The following PXDNL variants were observed in gnomAD, a reference collection of about 807,000 sequenced individuals.
PXDNL encodes the protein peroxidasin like.
A neutral mutation model predicts 150.8 loss-of-function variants in PXDNL; 145 were observed. The observed-to-expected ratio is 0.96, with a 90% confidence interval of 0.84 to 1.10. The LOEUF (loss-of-function observed/expected upper bound fraction) is 1.10, where lower values mean the gene tolerates loss of function less well. Among genes scored for constraint, PXDNL ranks in the 50% least tolerant of loss-of-function variants. The pLI is 0.00. For synonymous variants in PXDNL, 757 were observed against 725.7 expected (o/e 1.04, Z -0.69); for missense variants, 2,087 against 1,873.9 (o/e 1.11, Z -2.10).
intron 2 of PXDNL, among the ~76,000 whole-genome samples, chr8:51,635,221 G>C (rs1169208460): frequency 1.3e-5 from 2 of 152,112 alleles, no homozygotes; most frequent in East Asian, 3.9e-4. Flanking sequence ...ACGGGATGCA[G>C]TGAAAGCAGT....
At chr8:51,407,545 G>A (rs75371455) in intron 17 of PXDNL, among the ~76,000 whole-genome samples, 4,100 of 152,138 alleles carry the variant, frequency 0.027, 221 homozygotes, top group African/African-American at 0.092. Flanking sequence ...TTCAAATCCC[G>A]TATGTAGAAA....
At chr8:51,608,852 A>AAAAAG (rs1554557716) in intron 2 of PXDNL, among the ~76,000 whole-genome samples, 2,115 of 149,258 alleles carry the variant, frequency 0.014, 49 homozygotes, top group African/African-American at 0.051. Context: ...AAAAAAAAAA[A>AAAAAG]AAAAAAAGAA....
At chr8:51,783,272 T>C (rs2037432206) in intron 1 of PXDNL, among the ~76,000 whole-genome samples, 1 of 152,230 alleles carries the variant, frequency 6.6e-6, no homozygotes, top group Non-Finnish European at 1.5e-5. Flanking sequence ...TGCTTTATTA[T>C]GTCCACCAGG....
Position 51,409,226 on chromosome 8 carries a change from TG to T in PXDNL, c.2397del (p.Tyr799Ter), listed in dbSNP as rs1808548340. Reference sequence around the variant, plus strand: ...CAGCCCCAGTGCATGAGCATGCGCGTGTAGCTGTGGTCGGGGGTGACGGCCG... The same window carrying T: ...CAGCCCCAGTGCATGAGCATGCGCGTTAGCTGTGGTCGGGGGTGACGGCCG... ...RAAAVTPDHSYTRMLMHWGWF... is the reference protein window; with the variant it reads ...RAAAVTPDHSXTRMLMHWGWF... On this transcript the variant is annotated frameshift_variant, in exon 17 of 23. Coordinates refer to ENST00000356297, the MANE Select transcript of PXDNL (RefSeq NM_144651.5). LOFTEE classifies it high-confidence loss of function. 6.4e-6 allele frequency: 10 copies of T among 1,555,148 alleles called. No individual in the cohort carries two copies. The South Asian group carries it at 9.3e-5, about 15-fold the overall frequency.
chr8:51,658,733 T>C (rs1186556624), intron 1 of PXDNL, among the ~76,000 whole-genome samples: 1 of 152,210 alleles, frequency 6.6e-6, no homozygotes, highest in African/African-American at 2.4e-5. Flanking sequence ...AGAAATACAA[T>C]TCATTTCCCA....
intron 1 of PXDNL, among the ~76,000 whole-genome samples, chr8:51,789,196 AT>A (rs10718358): frequency 0.066 from 8,710 of 131,696 alleles, 562 homozygotes; most frequent in African/African-American, 0.18. Flanking sequence ...CATTGTACCC[AT>A]TTTTTTTTTT....
chr8:51,808,967 A>C (rs943546622), intron 1 of PXDNL, among the ~76,000 whole-genome samples: 2 of 152,228 alleles, frequency 1.3e-5, no homozygotes, highest in African/African-American at 4.8e-5. Flanking sequence ...AGAGAACTGA[A>C]TCCAAAACAA....
intron 20 of PXDNL, among the ~76,000 whole-genome samples, chr8:51,344,574 G>T (rs1431258377): frequency 1.3e-5 from 2 of 152,092 alleles, no homozygotes; most frequent in Admixed American, 1.3e-4. Context: ...CCCTTGCTCT[G>T]CACTACTCAC....
At chr8:51,377,755 G>A (rs368160809) in intron 17 of PXDNL, among the ~76,000 whole-genome samples, 1 of 152,186 alleles carries the variant, frequency 6.6e-6, no homozygotes, top group Non-Finnish European at 1.5e-5. Flanking sequence ...GCCTCCCTGC[G>A]GGGCAGGGCT....
At chr8:51,454,463 T>C (rs1809882486) in intron 9 of PXDNL, among the ~76,000 whole-genome samples, 1 of 152,206 alleles carries the variant, frequency 6.6e-6, no homozygotes, top group Non-Finnish European at 1.5e-5. Context: ...TTTCAGTTAC[T>C]TTCAGCTAAA....
At chr8:51,579,273 C>A (rs1813154901) in intron 3 of PXDNL, among the ~76,000 whole-genome samples, 1 of 151,892 alleles carries the variant, frequency 6.6e-6, no homozygotes, top group African/African-American at 2.4e-5. Context: ...ACCCCACAAT[C>A]TCATTAGAAG....
In PXDNL at chr8:51,409,618, C is replaced by G. The variant is rs2130892339; in HGVS notation, c.2063-57G>C. On this transcript the variant is annotated intron_variant, in intron 16 of 22. Transcript: ENST00000356297. ...GGCGGGCCTGGGAGGGCGCGGGCAA[C>G]TTGGAACTCCAGATGCTGCGGGAAC... is the stretch of plus-strand genomic sequence containing the variant. The G allele has an allele frequency of 1.0e-5, 15 of 1,437,532 alleles. No homozygotes were observed. The South Asian group carries it at 2.0e-4, about 19-fold the overall frequency. 89.0% of individuals were successfully genotyped at this position (1,437,532 alleles called of 1,614,324 possible).
chr8:51,357,244 T>G (rs1806537596), intron 19 of PXDNL, among the ~76,000 whole-genome samples: 1 of 152,194 alleles, frequency 6.6e-6, no homozygotes, highest in Non-Finnish European at 1.5e-5. Flanking sequence ...AGTATACTGG[T>G]TTTCTCCTAT....
intron 3 of PXDNL, among the ~76,000 whole-genome samples, chr8:51,564,341 G>A (rs1812771207): frequency 1.3e-5 from 2 of 152,030 alleles, no homozygotes; most frequent in South Asian, 2.1e-4. Context: ...TAATGGAACT[G>A]ATTATAATAC....
chr8:51,454,266 G>A (rs1809878083), intron 9 of PXDNL, among the ~76,000 whole-genome samples: 1 of 152,152 alleles, frequency 6.6e-6, no homozygotes, highest in South Asian at 2.1e-4. Flanking sequence ...AAAATTATGA[G>A]GAATAAAGAA....
At chr8:51,630,111 T>C (rs1363815818) in intron 2 of PXDNL, among the ~76,000 whole-genome samples, 1 of 152,006 alleles carries the variant, frequency 6.6e-6, no homozygotes, top group African/African-American at 2.4e-5. Flanking sequence ...TGGAAAAGAA[T>C]AGAGTCCAAA....
At position 51,371,870 on chromosome 8, in the gene PXDNL, G is replaced by A; in HGVS notation, c.3901+3C>T. On this transcript the variant is annotated splice_donor_region_variant and intron_variant, in intron 19 of 22. Coordinates refer to ENST00000356297, the MANE Select transcript of PXDNL (RefSeq NM_144651.5). ...AGATCGTGCTCATTGCATTATTACTGACCTGCACAGCAGTCTTGCCACACT... is the reference window on the plus strand; with the variant it reads ...AGATCGTGCTCATTGCATTATTACTAACCTGCACAGCAGTCTTGCCACACT... 1 of 1,611,836 alleles carries A rather than the reference G, an allele frequency of 6.2e-7. No individual in the cohort carries two copies. The highest frequency in any genetic ancestry group is 2.2e-5 in the East Asian group (1 of 44,870).
Position 51,319,879 on chromosome 8 carries a change from A to G in PXDNL, c.*12T>C, listed in dbSNP as rs375457259. On this transcript the variant is annotated 3_prime_UTR_variant, in exon 23 of 23. Coordinates refer to ENST00000356297, the MANE Select transcript of PXDNL (RefSeq NM_144651.5). ...AATTTCCCATTTGGGGCTCAACAGC[A>G]CAAAACTTTTATTAGCGCTTCTCTG... 11 of 1,505,142 alleles carry G rather than the reference A, an allele frequency of 7.3e-6. No individual in the cohort carries two copies. In the South Asian group the frequency reaches 9.5e-5, roughly 13 times the overall value. 93.2% of individuals were successfully genotyped at this position (1,505,142 alleles called of 1,614,324 possible). A position where few individuals can be genotyped will look rare whatever the true frequency, so the allele number is the denominator to read the frequency against.
chr8:51,511,987 G>A (rs1811431382), intron 4 of PXDNL, among the ~76,000 whole-genome samples: 1 of 152,186 alleles, frequency 6.6e-6, no homozygotes, highest in Admixed American at 6.5e-5. Flanking sequence ...GCAAAGGAAT[G>A]GCTGCCTGCT....
Sources: gnomAD v4.1 joint callset for allele counts (sites outside exome capture counted in the v4.1 genomes callset) on GRCh38, gnomAD v4.1.1 for gene constraint, MANE v1.5 for transcripts, NCBI Gene and HGNC (gene_info 2026-07-23, HGNC 2026-07-21) for gene names.